Variants in GLIS3 observed in about 807,000 individuals in gnomAD.
GLIS3 encodes GLIS family zinc finger 3.
Under a neutral mutation model 78.6 loss-of-function variants are expected in GLIS3, and 53 were observed. That is an observed-to-expected ratio of 0.67 (90% CI 0.54 to 0.85). GLIS3 has a LOEUF of 0.85. Among genes scored for constraint, GLIS3 ranks in the 40% least tolerant of loss-of-function variants. The probability of loss-of-function intolerance (pLI) is 0.00; values close to 1 mark genes in which losing one functional copy is unlikely to be tolerated. For synonymous variants in GLIS3, 684 were observed against 509.9 expected, an observed-to-expected ratio of 1.34 and a Z score of -4.60; for missense variants, 1,703 against 1,231.1, an observed-to-expected ratio of 1.38 and a Z score of -5.74.
intron 4 of GLIS3, among the ~76,000 whole-genome samples, chr9:4,106,068 C>A (rs1384670353): frequency 6.6e-6 from 1 of 152,156 alleles, no homozygotes; most frequent in Non-Finnish European, 1.5e-5. Flanking sequence ...GGCACCTGTC[C>A]CATTGTCACA....
At chr9:4,158,477 A>C (rs538525126) in intron 2 of GLIS3, among the ~76,000 whole-genome samples, 69 of 152,214 alleles carry the variant, frequency 4.5e-4, no homozygotes, top group Non-Finnish European at 9.6e-4. Context: ...CCTAAGCAGA[A>C]GTAGTGCCTT....
chr9:4,076,845 C>T (rs1828107146), intron 4 of GLIS3, among the ~76,000 whole-genome samples: 1 of 152,122 alleles, frequency 6.6e-6, no homozygotes, highest in African/African-American at 2.4e-5. Context: ...TGGCTTGAAC[C>T]CAGGAGTTTG....
chr9:3,987,350 C>G (rs1326683643), intron 4 of GLIS3, among the ~76,000 whole-genome samples: 1 of 151,952 alleles, frequency 6.6e-6, no homozygotes, highest in Non-Finnish European at 1.5e-5. Context: ...AAAGACCCAA[C>G]ATTTGTATCA....
At chr9:3,948,545 G>T (rs941009441) in intron 4 of GLIS3, among the ~76,000 whole-genome samples, 1 of 152,080 alleles carries the variant, frequency 6.6e-6, no homozygotes, top group Admixed American at 6.5e-5. Flanking sequence ...CCCCCTGACT[G>T]TTCTACTTAA....
At chr9:4,142,467 G>A (rs571959262) in intron 2 of GLIS3, among the ~76,000 whole-genome samples, 2 of 152,296 alleles carry the variant, frequency 1.3e-5, no homozygotes, top group Admixed American at 6.5e-5. Context: ...GGGGGTTAGA[G>A]TGCCTCCTCA....
chr9:4,301,988 TTTTC>T (rs1332871862), upstream of GLIS3, among the ~76,000 whole-genome samples: 696 of 143,750 alleles, frequency 4.8e-3, 9 homozygotes, highest in African/African-American at 0.016. Flanking sequence ...GGTTGAATTT[TTTTC>T]TTTTTTTTTT....
chr9:4,152,605 A>C (rs929492300), intron 2 of GLIS3, among the ~76,000 whole-genome samples: 4 of 152,158 alleles, frequency 2.6e-5, no homozygotes, highest in African/African-American at 9.7e-5. Flanking sequence ...TTCTGAGTAA[A>C]CGTGGTGTTC....
intron 6 of GLIS3, among the ~76,000 whole-genome samples, chr9:3,911,391 C>A (rs1824140233): frequency 6.6e-6 from 1 of 152,180 alleles, no homozygotes; most frequent in African/African-American, 2.4e-5. Flanking sequence ...GGTACAGAAC[C>A]TCTTCTTGGC....
chr9:4,219,029 A>G (rs918088561), intron 2 of GLIS3, among the ~76,000 whole-genome samples: 2 of 152,256 alleles, frequency 1.3e-5, no homozygotes, highest in South Asian at 2.1e-4. Flanking sequence ...TGCCTGGCAT[A>G]TAAGTAAGAG....
intron 4 of GLIS3, among the ~76,000 whole-genome samples, chr9:4,050,341 G>C (rs527858959): frequency 1.3e-3 from 196 of 152,146 alleles, no homozygotes; most frequent in Non-Finnish European, 2.3e-3. Flanking sequence ...GTAAACTATC[G>C]CAAGGACAGA....
Position 4,135,607 on chromosome 9 carries a change from C to A in GLIS3, c.389-9666G>T, listed in dbSNP as rs188163324. Among the ~76,000 whole-genome samples, 421 of 152,204 alleles carry A rather than the reference C, an allele frequency of 2.8e-3. 1 individual carries two copies. The highest frequency in any genetic ancestry group is 4.9e-3 in the Non-Finnish European group (333 of 68,000). ...ACATATCTAATATAATATACATATT[C>A]ATTCTTATAATGAAATATAGGTACC... On this transcript the variant is annotated intron_variant, in intron 2 of 10. Coordinates refer to ENST00000381971, the MANE Select transcript of GLIS3 (RefSeq NM_001042413.2).
the GLIS3 span, among the ~76,000 whole-genome samples, chr9:4,426,955 A>C: frequency 1.3e-5 from 2 of 152,216 alleles, no homozygotes; most frequent in East Asian, 3.8e-4. Flanking sequence ...CATTACAGTT[A>C]AACTGTAGAG....
chr9:4,020,460 C>A (rs1822792644), intron 4 of GLIS3, among the ~76,000 whole-genome samples: 1 of 152,130 alleles, frequency 6.6e-6, no homozygotes, highest in Non-Finnish European at 1.5e-5. Context: ...ACATCGTACC[C>A]AAACACCTGG....
At chr9:4,487,897 G>A in the GLIS3 span, among the ~76,000 whole-genome samples, 2 of 152,078 alleles carry the variant, frequency 1.3e-5, no homozygotes, top group Admixed American at 6.5e-5. Flanking sequence ...TCACTAAGTT[G>A]CCCAGGTTGG....
At chr9:4,474,078 C>A in the GLIS3 span, among the ~76,000 whole-genome samples, 5 of 152,226 alleles carry the variant, frequency 3.3e-5, no homozygotes, top group South Asian at 1.0e-3. Flanking sequence ...AAGTGTTTTT[C>A]TGTGTACATC....
At chr9:4,090,746 T>C (rs1048877629) in intron 4 of GLIS3, among the ~76,000 whole-genome samples, 1 of 152,212 alleles carries the variant, frequency 6.6e-6, no homozygotes, top group African/African-American at 2.4e-5. Context: ...GAAGAAGAGA[T>C]AAGCTTAAGC....
At chr9:4,325,431 T>C (rs1402668731) in intron 2 of GLIS3, among the ~76,000 whole-genome samples, 1 of 152,236 alleles carries the variant, frequency 6.6e-6, no homozygotes, top group African/African-American at 2.4e-5. Flanking sequence ...AGTTCATCTT[T>C]AAATCAGCAT....
the GLIS3 span, among the ~76,000 whole-genome samples, chr9:4,476,893 A>T: frequency 6.6e-6 from 1 of 152,220 alleles, no homozygotes; most frequent in South Asian, 2.1e-4. Context: ...ACAGAATTTT[A>T]AAAACTAGAA....
At chr9:4,167,568 C>CT in intron 2 of GLIS3, among the ~76,000 whole-genome samples, 1 of 152,142 alleles carries the variant, frequency 6.6e-6, no homozygotes, top group East Asian at 1.9e-4. Context: ...CAACAGGTGC[C>CT]CAATATATGC....
Sources: allele counts gnomAD v4.1 joint callset (sites outside exome capture counted in the v4.1 genomes callset), GRCh38; gene constraint gnomAD v4.1.1; transcripts MANE v1.5; gene names NCBI Gene and HGNC (gene_info 2026-07-23, HGNC 2026-07-21).